DCUN1D1: variants seen among roughly 807,000 people sequenced by gnomAD.
The protein encoded by DCUN1D1 is DCN1-like protein 1.
DCUN1D1 carries 3 observed loss-of-function variants against 39.0 expected under a neutral mutation model. That is an observed-to-expected ratio of 0.08 (90% CI 0.04 to 0.20). The LOEUF is 0.20. Among genes scored for constraint, DCUN1D1 ranks in the 10% least tolerant of loss-of-function variants. The probability of loss-of-function intolerance (pLI) is 1.00; values close to 1 mark genes in which losing one functional copy is unlikely to be tolerated. For missense variants in DCUN1D1, 158 were observed against 302.4 expected (o/e 0.52, Z 3.54); for synonymous variants, 82 against 96.3 (o/e 0.85, Z 0.87).
chr3:182,979,442 T>C (rs1311810130), intron 1 of DCUN1D1, among the ~76,000 whole-genome samples: 1 of 152,208 alleles, frequency 6.6e-6, no homozygotes, highest in Non-Finnish European at 1.5e-5. Context: ...TCATTTTTAC[T>C]ATTCATACAG....
chr3:182,969,306 C>G (rs539363376), intron 1 of DCUN1D1, among the ~76,000 whole-genome samples: 4 of 152,216 alleles, frequency 2.6e-5, no homozygotes, highest in African/African-American at 9.6e-5. Context: ...CAAAGGTGTA[C>G]CAGGCAGTGT....
chr3:182,959,384 T>TGGA (rs553245347), intron 4 of DCUN1D1, among the ~76,000 whole-genome samples: 139 of 151,244 alleles, frequency 9.2e-4, no homozygotes, highest in Middle Eastern at 3.4e-3. Context: ...ACTTCCTCAA[T>TGGA]CTAATCCGTT....
At chr3:182,975,359 G>A (rs1728172317) in intron 1 of DCUN1D1, among the ~76,000 whole-genome samples, 1 of 151,684 alleles carries the variant, frequency 6.6e-6, no homozygotes, top group South Asian at 2.1e-4. Flanking sequence ...TGTATTTTTA[G>A]CAGAGATGGG....
At chr3:182,945,551 C>A (rs1007179342) in intron 6 of DCUN1D1, among the ~76,000 whole-genome samples, 2 of 152,046 alleles carry the variant, frequency 1.3e-5, no homozygotes, top group East Asian at 1.9e-4. Context: ...GCAGTGAGAT[C>A]GCGCCACTGC....
At chr3:182,984,818 GAGC>G (rs2108415945), upstream of DCUN1D1, among the ~76,000 whole-genome samples, 1 of 152,310 alleles carries the variant, frequency 6.6e-6, no homozygotes, top group Admixed American at 6.5e-5. Context: ...TTAGCAGAAA[GAGC>G]AGAAGTAATC....
intron 1 of DCUN1D1, among the ~76,000 whole-genome samples, chr3:182,975,402 T>C (rs1728177453): frequency 6.6e-6 from 1 of 151,806 alleles, no homozygotes. Context: ...GGTCTTGATC[T>C]CCTGACCTTG....
chr3:182,961,423 C>T, intron 3 of DCUN1D1, 67 bp from the exon 4 acceptor site: 1 of 1,328,208 alleles, frequency 7.5e-7, no homozygotes, highest in Non-Finnish European at 1.0e-6. Context: ...TTACTTATTC[C>T]CATGAGGGCT....
intron 4 of DCUN1D1, among the ~76,000 whole-genome samples, chr3:182,959,487 A>G (rs914592502): frequency 9.6e-5 from 13 of 134,732 alleles, no homozygotes; most frequent in African/African-American, 2.9e-4. Flanking sequence ...TCCAACTACT[A>G]TATCTTCAAA....
intron 3 of DCUN1D1, among the ~76,000 whole-genome samples, chr3:182,963,662 AATG>A (rs1239058924): frequency 1.3e-5 from 2 of 152,236 alleles, no homozygotes; most frequent in East Asian, 1.9e-4. Context: ...CTTAGAAGTA[AATG>A]ATAAGAATAT....
Position 182,961,259 on chromosome 3 carries a change from T to G in DCUN1D1, c.487A>C (p.Asn163His). The G allele has an allele frequency of 6.3e-7, 1 of 1,579,252 alleles. No homozygotes were observed. Among genetic ancestry groups the G allele is most frequent in the Non-Finnish European group, 8.6e-7 (1 of 1,157,032 alleles). ...TTTTGTCCTGGATTCTTTGCAAAAT[T>G]AAAAGTAAACTGGTAAAAATCCTTA... is the stretch of plus-strand genomic sequence containing the variant. ...RFKDFYQFTF[N>H]FAKNPGQKGL... The change falls in exon 4 of 7, where the codon AAT (asparagine) becomes CAT (histidine). Residue 163 changes from asparagine (N) to histidine (H), a missense_variant. Transcript: ENST00000292782.
In DCUN1D1 at chr3:182,963,890, G is replaced by C. The variant is rs1441790437; in HGVS notation, c.380C>G (p.Thr127Arg). The change falls in exon 3 of 7, where the codon ACA becomes AGA. Residue 127 changes from threonine (T) to arginine (R), a missense_variant. This residue lies in a region of DCUN1D1 where 107 missense variants were observed against 174.7 expected (regional missense o/e 0.61). Transcript: ENST00000292782. Reference sequence around the variant, plus strand: ...GTAATTATATACTCACCCTAATTCTGTCATGCCATCCATGAACTCCTGTTT... The same window carrying C: ...GTAATTATATACTCACCCTAATTCTCTCATGCCATCCATGAACTCCTGTTT... ...FSKQEFMDGM[T>R]ELGCDSIEKL... is the part of the protein sequence containing the mutation. 6.2e-7 allele frequency: 1 copy of C among 1,608,672 alleles called. No individual in the cohort carries two copies. Among genetic ancestry groups the C allele is most frequent in the East Asian group, 2.2e-5 (1 of 44,810 alleles).
Position 182,953,979 on chromosome 3 carries a change from C to G in DCUN1D1, c.521-6347G>C, listed in dbSNP as rs556332367. On this transcript the variant is annotated intron_variant, in intron 4 of 6. Transcript: ENST00000292782. ...AACATGGAAATGAATTGAGACTAGA[C>G]CCAATCACAGTCCCTAAAAGAAACA... Among the ~76,000 whole-genome samples, 66 of 152,226 alleles carry G rather than the reference C, an allele frequency of 4.3e-4. 2 individuals carry two copies. Among genetic ancestry groups the G allele is most frequent in the Admixed American group, 2.2e-3 (34 of 15,288 alleles).
Position 182,942,690 on chromosome 3 carries a change from T to C in DCUN1D1, c.*2404A>G, listed in dbSNP as rs1726191735. 6.6e-6 allele frequency: 1 copy of C among 152,124 alleles called. No individual in the cohort carries two copies. The highest frequency in any genetic ancestry group is 2.1e-4 in the South Asian group (1 of 4,820). The allele number at this position is 152,124 out of a possible 1,614,324, so 9.4% of individuals were successfully genotyped here. On this transcript the variant is annotated 3_prime_UTR_variant, in exon 7 of 7. Transcript: ENST00000292782. ...GTTAAAGCAATTCAAGGGGCGTGTG[T>C]GTGTCTCTCCCTTTCTCTGTCAATC...
chr3:182,965,166 T>C (rs901615563), intron 2 of DCUN1D1, among the ~76,000 whole-genome samples: 1 of 152,230 alleles, frequency 6.6e-6, no homozygotes, highest in African/African-American at 2.4e-5. Flanking sequence ...TATTAACCTT[T>C]TCTTATTCAC....
intron 6 of DCUN1D1, among the ~76,000 whole-genome samples, chr3:182,946,418 G>C (rs964522121): frequency 2.0e-5 from 3 of 151,984 alleles, no homozygotes; most frequent in African/African-American, 7.3e-5. Flanking sequence ...TTAGGTGAAC[G>C]TGGTGGCAGG....
chr3:182,947,849 ATAC>A (rs1227972261), intron 4 of DCUN1D1, among the ~76,000 whole-genome samples: 7 of 152,248 alleles, frequency 4.6e-5, no homozygotes, highest in Admixed American at 4.6e-4. Context: ...GCAAAAAATG[ATAC>A]TACTTATCTC....
chr3:182,972,980 T>C (rs1179310627), intron 1 of DCUN1D1, among the ~76,000 whole-genome samples: 1 of 151,772 alleles, frequency 6.6e-6, no homozygotes, highest in East Asian at 1.9e-4. Context: ...AGGCGGAGGT[T>C]GTGGTGAGCG....
At chr3:182,962,293 A>G (rs1257023898) in intron 3 of DCUN1D1, among the ~76,000 whole-genome samples, 2 of 152,148 alleles carry the variant, frequency 1.3e-5, no homozygotes, top group Non-Finnish European at 2.9e-5. Flanking sequence ...CTTTAAACCT[A>G]TCCTTCTTTG....
intron 5 of DCUN1D1, 41 bp from the exon 6 acceptor site, chr3:182,947,375 AAAG>A: frequency 2.2e-6 from 3 of 1,377,236 alleles, no homozygotes; most frequent in Non-Finnish European, 3.0e-6. Context: ...GTATCACTAA[AAAG>A]AGCTGCACAA....
Sources: gnomAD v4.1 joint callset for allele counts (sites outside exome capture counted in the v4.1 genomes callset) on GRCh38, gnomAD v4.1.1 for gene constraint, gnomAD v4.1.1 regional missense constraint, MANE v1.5 for transcripts, NCBI Gene and HGNC (gene_info 2026-07-23, HGNC 2026-07-21) for gene names.